The following ERMP1 variants were observed in gnomAD, a reference collection of about 807,000 sequenced individuals.
The protein encoded by ERMP1 is Felix-ina.
A neutral mutation model predicts 92.0 loss-of-function variants in ERMP1; 86 were observed. That is an observed-to-expected ratio of 0.93 (90% confidence interval 0.79 to 1.12). ERMP1 has a LOEUF of 1.12. ERMP1 is among the 50% of genes most tolerant of loss of function. The pLI, the probability that ERMP1 is intolerant of heterozygous loss-of-function variation, is 0.00. For synonymous variants in ERMP1, 530 were observed against 412.8 expected (o/e 1.28, Z -3.44); for missense variants, 1,342 against 1,116.3 (o/e 1.20, Z -2.88).
intron 4 of ERMP1, among the ~76,000 whole-genome samples, chr9:5,814,277 C>G (rs181279792): frequency 1.3e-5 from 2 of 152,138 alleles, no homozygotes; most frequent in African/African-American, 2.4e-5. Flanking sequence ...AAATGCAACA[C>G]GAGCAAGAAA....
intron 8 of ERMP1, among the ~76,000 whole-genome samples, chr9:5,809,108 G>A (rs1212024366): frequency 6.6e-6 from 1 of 152,024 alleles, no homozygotes. Flanking sequence ...TGCAGGCTCC[G>A]CCTCCCGGGT....
At chr9:5,814,451 A>T (rs1427518613) in intron 4 of ERMP1, among the ~76,000 whole-genome samples, 3 of 152,232 alleles carry the variant, frequency 2.0e-5, no homozygotes, top group Non-Finnish European at 2.9e-5. Flanking sequence ...ACATTTTAAA[A>T]AATGACCAAG....
intron 13 of ERMP1, among the ~76,000 whole-genome samples, chr9:5,788,317 C>T (rs1347088345): frequency 6.6e-6 from 1 of 152,160 alleles, no homozygotes; most frequent in Non-Finnish European, 1.5e-5. Context: ...TCTGAAAATA[C>T]TACTATAGTG....
At chr9:5,828,767 T>C (rs145515055) in intron 2 of ERMP1, among the ~76,000 whole-genome samples, 1 of 152,280 alleles carries the variant, frequency 6.6e-6, no homozygotes, top group East Asian at 1.9e-4. Context: ...AGCTAAGAAC[T>C]ATGAAGGGTA....
intron 4 of ERMP1, among the ~76,000 whole-genome samples, chr9:5,823,235 C>T (rs1001320852): frequency 2.0e-5 from 3 of 151,954 alleles, no homozygotes; most frequent in African/African-American, 7.3e-5. Flanking sequence ...CATGATGGCA[C>T]CAGTGCACTC....
In ERMP1 at chr9:5,810,000, C is replaced by T; in HGVS notation, c.1548+11G>A. The T allele has an allele frequency of 1.9e-6, 3 of 1,548,716 alleles. No individual in the cohort carries two copies. Among genetic ancestry groups the T allele is most frequent in the Non-Finnish European group, 2.7e-6 (3 of 1,122,778 alleles). On this transcript the variant is annotated intron_variant, in intron 8 of 14. Transcript: ENST00000339450. ...AACAGAAAGAAATCAACAAATATACCAAACACTTACCATGTAATAAAATCT... is the reference window on the plus strand; with the variant it reads ...AACAGAAAGAAATCAACAAATATACTAAACACTTACCATGTAATAAAATCT...
intron 4 of ERMP1, among the ~76,000 whole-genome samples, chr9:5,817,702 G>A (rs917150961): frequency 2.0e-5 from 3 of 152,148 alleles, no homozygotes; most frequent in South Asian, 2.1e-4. Flanking sequence ...ATGGGCATGC[G>A]TAACGTTCAG....
At chr9:5,853,660 G>T (rs754508554) in intron 6 of ERMP1, among the ~76,000 whole-genome samples, 1 of 151,818 alleles carries the variant, frequency 6.6e-6, no homozygotes, top group Non-Finnish European at 1.5e-5. Context: ...CAAGTGCTCC[G>T]TGCCTACCCT....
chr9:5,857,403 C>G (rs568334009), intron 6 of ERMP1, among the ~76,000 whole-genome samples: 15 of 152,286 alleles, frequency 9.8e-5, no homozygotes, highest in South Asian at 2.1e-4. Flanking sequence ...ACGTGCACAT[C>G]CAGCAACTCA....
chr9:5,812,640 G>A, intron 5 of ERMP1: 1 of 518,968 alleles, frequency 1.9e-6, no homozygotes, highest in Admixed American at 3.2e-5. Context: ...CATCTTTTGG[G>A]AATGAGGTGC....
intron 6 of ERMP1, among the ~76,000 whole-genome samples, chr9:5,857,698 G>A (rs1347002715): frequency 1.3e-5 from 2 of 152,166 alleles, no homozygotes; most frequent in Non-Finnish European, 2.9e-5. Context: ...CAGTGGATCT[G>A]CAGGGGATCT....
At position 5,786,952 on chromosome 9, in the gene ERMP1, C is replaced by T. The variant is rs1827964309; in HGVS notation, c.*192G>A. On this transcript the variant is annotated 3_prime_UTR_variant, in exon 15 of 15. Coordinates refer to ENST00000339450, the MANE Select transcript of ERMP1 (RefSeq NM_024896.3). ...AAAGACTGGCATTTTCAAGTGTCAA[C>T]AGGCCATGCATCACTGCGCCACAGC... 2.1e-6 allele frequency: 1 copy of T among 483,582 alleles called. No homozygotes were observed. 30.0% of individuals were successfully genotyped at this position (483,582 alleles called of 1,614,324 possible). A position where few individuals can be genotyped will look rare whatever the true frequency, so the allele number is the denominator to read the frequency against.
intron 6 of ERMP1, among the ~76,000 whole-genome samples, chr9:5,848,552 A>G (rs909171751): frequency 6.6e-6 from 1 of 152,238 alleles, no homozygotes; most frequent in African/African-American, 2.4e-5. Flanking sequence ...AAAGAAAAGA[A>G]GTCTCAGTGG....
Position 5,813,081 on chromosome 9 carries a change from T to G in ERMP1, c.875-46A>C, listed in dbSNP as rs199925001. 7.2e-4 allele frequency: 1,150 copies of G among 1,604,650 alleles called. 12 individuals carry two copies. Among genetic ancestry groups the G allele is most frequent in the Non-Finnish European group, 1.3e-4 (158 of 1,173,618 alleles). ...ACAATAGAAGGTATTCCGGCAATTT[T>G]TTTTAACATACTAATGTTTTTCAAC... On this transcript the variant is annotated intron_variant, in intron 4 of 14. Coordinates refer to ENST00000339450, the MANE Select transcript of ERMP1 (RefSeq NM_024896.3).
At chr9:5,818,650 A>C (rs1829411840) in intron 4 of ERMP1, among the ~76,000 whole-genome samples, 1 of 151,978 alleles carries the variant, frequency 6.6e-6, no homozygotes, top group Non-Finnish European at 1.5e-5. Context: ...AGGAGCTGGA[A>C]ACCAGTGAGC....
At chr9:5,828,966 G>A (rs923133324) in intron 2 of ERMP1, among the ~76,000 whole-genome samples, 2 of 152,022 alleles carry the variant, frequency 1.3e-5, no homozygotes, top group Non-Finnish European at 2.9e-5. Flanking sequence ...ACTGGTGGCC[G>A]GGCACAGTGG....
Position 5,805,676 on chromosome 9 carries a change from C to G in ERMP1, c.1658G>C (p.Ser553Thr). 3.1e-6 allele frequency: 5 copies of G among 1,613,462 alleles called. No homozygotes were observed. Among genetic ancestry groups the G allele is most frequent in the Non-Finnish European group, 4.2e-6 (5 of 1,179,786 alleles). Reference sequence around the variant, plus strand: ...CAATGGGAATGCTACCCAGACAGCACTAATAAACGCCGAGCAAAGTCCTTG... The same window carrying G: ...CAATGGGAATGCTACCCAGACAGCAGTAATAAACGCCGAGCAAAGTCCTTG... ...TYQGLCSAFI[S>T]AVWVAFPLLT... is the part of the protein sequence containing the mutation. Residue 553 changes from serine (S) to threonine (T), a missense_variant, in exon 9 of 15, where the codon AGT becomes ACT. Ser to Thr is a moderately conservative substitution (Grantham distance 58). Transcript: ENST00000339450.
In ERMP1 at chr9:5,860,635, C is replaced by CG. The variant is rs201324931; in HGVS notation, n.3056-1025dup. On this transcript the variant is annotated intron_variant and non_coding_transcript_variant, in intron 5 of 6. Coordinates refer to the ERMP1 transcript ENST00000690753. Reference sequence around the variant, plus strand: ...CAATTTTTTTTTTTTTTGTAGAGATCGGGGGGTCTCACTCTGTTGCCCAGG... The same window carrying CG: ...CAATTTTTTTTTTTTTTGTAGAGATCGGGGGGGTCTCACTCTGTTGCCCAGG... Among the ~76,000 whole-genome samples the CG allele has an allele frequency of 3.5e-3, 506 of 146,586 alleles. 3 individuals carry two copies. Among genetic ancestry groups the CG allele is most frequent in the African/African-American group, 0.011 (449 of 39,150 alleles).
upstream of ERMP1, among the ~76,000 whole-genome samples, chr9:5,837,017 T>C (rs1037965681): frequency 1.3e-5 from 2 of 152,230 alleles, no homozygotes; most frequent in African/African-American, 4.8e-5. Context: ...CAAGCCTGGC[T>C]GCATTGCTAG....
Sources: gnomAD v4.1 joint callset for allele counts (sites outside exome capture counted in the v4.1 genomes callset) on GRCh38, gnomAD v4.1.1 for gene constraint, MANE v1.5 for transcripts, NCBI Gene and HGNC (gene_info 2026-07-23, HGNC 2026-07-21) for gene names.